Variants in ATM observed in about 807,000 individuals in gnomAD.
The protein encoded by ATM is ATM serine/threonine kinase.
ATM carries 308 observed loss-of-function variants against 387.0 expected under a neutral mutation model. The observed-to-expected ratio is 0.80, with a 90% CI of 0.73 to 0.87. The LOEUF (loss-of-function observed/expected upper bound fraction) is 0.87, where lower values mean the gene tolerates loss of function less well. ATM is among the 40% of genes least tolerant of loss of function. ATM has a pLI of 0.00. For synonymous variants in ATM, 1,156 were observed against 1,187.3 expected (o/e 0.97, Z 0.54); for missense variants, 3,312 against 3,560.9 (o/e 0.93, Z 1.78).
Position 108,245,035 on chromosome 11 carries a change from G to A in ATM, c.901+9G>A, listed in dbSNP as rs2135244756. On this transcript the variant is annotated intron_variant, in intron 7 of 62. Coordinates refer to ENST00000675843, the MANE Select transcript of ATM (RefSeq NM_000051.4). ...CAAAACCCAAGAAAAAGGTATAAAG[G>A]AAATGTTTACTGTTTTGAATTTGCT... 6.3e-7 allele frequency: 1 copy of A among 1,589,366 alleles called. No homozygotes were observed. Among genetic ancestry groups the A allele is most frequent in the Non-Finnish European group, 8.6e-7 (1 of 1,163,732 alleles).
At chr11:108,254,584 G>GTGTATTCAGA (rs1477640749) in intron 13 of ATM, among the ~76,000 whole-genome samples, 1 of 152,074 alleles carries the variant, frequency 6.6e-6, no homozygotes, top group African/African-American at 2.4e-5. Context: ...ACCTATTTCT[G>GTGTATTCAGA]TGTATTCAGA....
At position 108,253,710 on chromosome 11, in the gene ATM, TG is replaced by T. The variant is rs1290601817; in HGVS notation, c.1899-103del. 1.1e-5 allele frequency: 8 copies of T among 746,344 alleles called. No individual in the cohort carries two copies. In the Admixed American group the frequency reaches 1.5e-4, roughly 14 times the overall value. The allele number at this position is 746,344 out of a possible 1,614,324, so 46.2% of individuals were successfully genotyped here. A position where few individuals can be genotyped will look rare whatever the true frequency, so the allele number is the denominator to read the frequency against. ...AATTATATAAGTAGTCTTTGAATGA[TG>T]TAGATACTAGGTTAATGTTTTCCTT... On this transcript the variant is annotated intron_variant, in intron 12 of 62. Transcript: ENST00000675843.
At chr11:108,285,736 C>T (rs756573011) in intron 26 of ATM, among the ~76,000 whole-genome samples, 4 of 151,896 alleles carry the variant, frequency 2.6e-5, no homozygotes, top group Non-Finnish European at 4.4e-5. Flanking sequence ...AAATGGTGAG[C>T]AGAGGACTCC....
In ATM at chr11:108,243,933, AAT is replaced by A; in HGVS notation, c.497-19_497-18del. On this transcript the variant is annotated intron_variant, in intron 5 of 62. Transcript: ENST00000675843. ...TGATTTTTAAAAAATCATGACTAAT[AAT>A]TTTTTTTTTTTTTTAAGAATTGTTC... 1 of 1,407,022 alleles carries A rather than the reference AAT, an allele frequency of 7.1e-7. No individual in the cohort carries two copies. The highest frequency in any genetic ancestry group is 2.5e-5 in the East Asian group (1 of 40,058). The allele number at this position is 1,407,022 out of a possible 1,614,324, so 87.2% of individuals were successfully genotyped here. A position where few individuals can be genotyped will look rare whatever the true frequency, so the allele number is the denominator to read the frequency against.
intron 23 of ATM, 98 bp from the exon 24 acceptor site, chr11:108,280,897 A>G: frequency 1.8e-6 from 2 of 1,125,602 alleles, no homozygotes; most frequent in South Asian, 1.4e-5. Context: ...TGAAATGTGT[A>G]TAGCTTGTCA....
rs1591150977 is a variant in ATM, at chr11:108,329,101, A to T, written c.7170A>T (p.Leu2390Phe). 6.2e-7 allele frequency: 1 copy of T among 1,614,170 alleles called. No homozygotes were observed. The highest frequency in any genetic ancestry group is 8.5e-7 in the Non-Finnish European group (1 of 1,180,014). The change falls in exon 49 of 63, where the codon TTA becomes TTT. Residue 2390 changes from leucine to phenylalanine, a missense_variant. Transcript: ENST00000675843. ...RNGKMKAFLSLARFSDTQYQR... is the reference protein window; with the variant it reads ...RNGKMKAFLSFARFSDTQYQR... ...GAAAAATGAAGGCATTTCTCTCATT[A>T]GCCCGGTTTTCAGATACTCAATACC... is the stretch of plus-strand genomic sequence containing the variant.
rs1555139443 is a variant in ATM at position 108,347,263 on chromosome 11, TTTCTTTTTTCTCCAGTTGGTTACATAC to T, written c.8585-13_8598del. 6.4e-7 allele frequency: 1 copy of T among 1,563,540 alleles called. No homozygotes were observed. Among genetic ancestry groups the T allele is most frequent in the Non-Finnish European group, 8.8e-7 (1 of 1,134,274 alleles). On this transcript the variant is annotated splice_acceptor_variant and splice_polypyrimidine_tract_variant and coding_sequence_variant and intron_variant, in exon 59 of 63. Transcript: ENST00000675843. LOFTEE classifies it high-confidence loss of function. Reference sequence around the variant, plus strand: ...GGAATCAGTGATTTCAGATTGTTTGTTTCTTTTTTCTCCAGTTGGTTACATACTTGGACTTGGTGATAGACATGTACA... The same window carrying T: ...GGAATCAGTGATTTCAGATTGTTTGTTTGGACTTGGTGATAGACATGTACA...
At chr11:108,324,435 AATATG>A (rs2085458079) in intron 45 of ATM, among the ~76,000 whole-genome samples, 1 of 152,140 alleles carries the variant, frequency 6.6e-6, no homozygotes, top group African/African-American at 2.4e-5. Flanking sequence ...CAGTCTTTCT[AATATG>A]ATATCATATC....
chr11:108,282,651 C>G (rs2135684598), intron 24 of ATM, 59 bp from the exon 25 acceptor site: 1 of 1,482,870 alleles, frequency 6.7e-7, no homozygotes, highest in Non-Finnish European at 9.4e-7. Flanking sequence ...TATTAACAAG[C>G]ATTTAAATGA....
At chr11:108,295,897 A>G (rs900324329) in intron 32 of ATM, 9 of 152,102 alleles carry the variant, frequency 5.9e-5, no homozygotes, top group African/African-American at 1.2e-4. Context: ...AGCTCAGGCA[A>G]TCCGCCCACC....
At chr11:108,331,376 ACTTG>A in intron 50 of ATM, 64 bp from the exon 51 acceptor site, 1 of 1,558,744 alleles carries the variant, frequency 6.4e-7, no homozygotes, top group Non-Finnish European at 8.7e-7. Flanking sequence ...AAAATAACTT[ACTTG>A]CTTAGATGTG....
intron 52 of ATM, 109 bp downstream of exon 52, chr11:108,332,146 A>G (rs2086327143): frequency 2.1e-6 from 3 of 1,420,078 alleles, no homozygotes; most frequent in Non-Finnish European, 9.6e-7. Context: ...AATCGGTTCA[A>G]GGCTGGCACG....
intron 4 of ATM, among the ~76,000 whole-genome samples, 161 bp from the exon 5 acceptor site, chr11:108,235,509 A>G (rs925840284): frequency 6.6e-6 from 1 of 151,982 alleles, no homozygotes; most frequent in Non-Finnish European, 1.5e-5. Flanking sequence ...AAGAAAAAAA[A>G]AATGAATTTT....
chr11:108,355,421 C>T (rs988148477), intron 61 of ATM: 1 of 163,032 alleles, frequency 6.1e-6, no homozygotes, highest in Non-Finnish European at 1.3e-5. Context: ...CACATGTAAT[C>T]AGGATCACTG....
At position 108,289,738 on chromosome 11, in the gene ATM, G is replaced by T. The variant is rs1325046917; in HGVS notation, c.4373G>T (p.Gly1458Val). The T allele has an allele frequency of 6.2e-7, 1 of 1,613,718 alleles. No individual in the cohort carries two copies. The highest frequency in any genetic ancestry group is 2.2e-5 in the East Asian group (1 of 44,864). ...CTGAAAGATATAAAAAGTGGCTTAGGAGGAGCTTGGGCCTTTGTTCTTCGA... is the reference window on the plus strand; with the variant it reads ...CTGAAAGATATAAAAAGTGGCTTAGTAGGAGCTTGGGCCTTTGTTCTTCGA... ...LLLKDIKSGL[G>V]GAWAFVLRDV... The change falls in exon 29 of 63, where the codon GGA (glycine) becomes GTA (valine). Residue 1458 changes from glycine to valine, a missense_variant. By Grantham distance (109) the Gly-to-Val change is moderately radical (BLOSUM62 -3). This residue lies in a region of ATM where 1,791 missense variants were observed against 1,804.5 expected (regional missense o/e 0.99). Coordinates refer to ENST00000675843, the MANE Select transcript of ATM (RefSeq NM_000051.4).
chr11:108,360,059 TAAAG>T (rs1254051654), intron 61 of ATM, among the ~76,000 whole-genome samples: 38 of 150,504 alleles, frequency 2.5e-4, no homozygotes, highest in South Asian at 2.1e-3. Context: ...GCAAGACTAA[TAAAG>T]AAAAAAGAGA....
intron 51 of ATM, 52 bp downstream of exon 51, chr11:108,331,609 C>T (rs1425790126): frequency 6.9e-7 from 1 of 1,440,210 alleles, no homozygotes. Flanking sequence ...TCTATTATTA[C>T]TATATATTAT....
rs145123679 is a variant in ATM, at chr11:108,225,048, TG to T, written c.-31+1866del. ...AAACAAGTTCAAGGAAGTCACACCA[TG>T]GGGAAAAAAAAGTCAAGTTTAGGGC... On this transcript the variant is annotated intron_variant, in intron 1 of 62. Coordinates refer to ENST00000675843, the MANE Select transcript of ATM (RefSeq NM_000051.4). 2.1e-3 allele frequency: 315 copies of T among 152,216 alleles called. 1 individual carries two copies. The highest frequency in any genetic ancestry group is 7.1e-3 in the African/African-American group (293 of 41,524). The allele number at this position is 152,216 out of a possible 1,614,324, so 9.4% of individuals were successfully genotyped here. A position where few individuals can be genotyped will look rare whatever the true frequency, so the allele number is the denominator to read the frequency against.
intron 12 of ATM, among the ~76,000 whole-genome samples, chr11:108,253,309 C>T (rs1000259668): frequency 1.3e-5 from 2 of 152,080 alleles, no homozygotes. Flanking sequence ...TAAATCTAAA[C>T]CTGAGTTTAG....
Sources: allele counts gnomAD v4.1 joint callset (sites outside exome capture counted in the v4.1 genomes callset), GRCh38; gene constraint gnomAD v4.1.1; regional missense constraint gnomAD v4.1.1; transcripts MANE v1.5; gene names NCBI Gene and HGNC (gene_info 2026-07-23, HGNC 2026-07-21).